TOX2: variants seen among roughly 807,000 people sequenced by gnomAD.
TOX2 encodes the protein TOX high mobility group box family member 2, also known as granulosa cell HMG box 1.
A neutral mutation model predicts 47.4 loss-of-function variants in TOX2; 15 were observed. The ratio of observed to expected loss-of-function variants is 0.32; its 90% confidence interval spans 0.21 to 0.49. The LOEUF is 0.49. Ranked by LOEUF, TOX2 falls within the 20% of genes least tolerant of loss-of-function variation. The probability of loss-of-function intolerance (pLI) is 0.99; values close to 1 mark genes in which losing one functional copy is unlikely to be tolerated. For synonymous variants in TOX2, 290 were observed against 296.6 expected, an observed-to-expected ratio of 0.98 and a Z score of 0.23; for missense variants, 622 against 673.1, an observed-to-expected ratio of 0.92 and a Z score of 0.84.
At chr20:43,992,586 C>T (rs536268059) in intron 2 of TOX2, among the ~76,000 whole-genome samples, 9 of 152,152 alleles carry the variant, frequency 5.9e-5, no homozygotes, top group East Asian at 5.8e-4. Flanking sequence ...GAAAAAATGT[C>T]GTGGTTGAAT....
chr20:43,939,410 C>A (rs1378792827), intron 1 of TOX2, among the ~76,000 whole-genome samples: 2 of 152,152 alleles, frequency 1.3e-5, no homozygotes, highest in Admixed American at 1.3e-4. Flanking sequence ...AATTTCTGGG[C>A]AAAAGCTGAA....
chr20:44,054,579 C>T, intron 5 of TOX2, 53 bp downstream of exon 5: 1 of 1,552,794 alleles, frequency 6.4e-7, no homozygotes, highest in Non-Finnish European at 8.8e-7. Context: ...GGTCCTGGAA[C>T]CAAGGACACA....
chr20:43,918,168 C>T (rs2069078396), intron 1 of TOX2, among the ~76,000 whole-genome samples: 2 of 152,184 alleles, frequency 1.3e-5, no homozygotes, highest in Non-Finnish European at 2.9e-5. Context: ...TTTGGCAAGG[C>T]ATCTTACCAG....
chr20:43,939,909 A>T (rs557427266), intron 1 of TOX2, among the ~76,000 whole-genome samples: 9 of 152,308 alleles, frequency 5.9e-5, no homozygotes, highest in African/African-American at 2.2e-4. Flanking sequence ...GACCACAGGG[A>T]TATGCTCAGA....
chr20:44,004,411 AAGG>A (rs1223975539), intron 2 of TOX2, among the ~76,000 whole-genome samples: 1 of 152,072 alleles, frequency 6.6e-6, no homozygotes, highest in Admixed American at 6.5e-5. Context: ...GAGAACAGAG[AAGG>A]AGAAGGTGAA....
intron 5 of TOX2, among the ~76,000 whole-genome samples, chr20:44,059,966 A>G: frequency 6.6e-6 from 1 of 152,242 alleles, no homozygotes; most frequent in East Asian, 1.9e-4. Context: ...ACAGAATGGC[A>G]GAATGAATAA....
chr20:43,971,676 A>G (rs757117577), intron 1 of TOX2, among the ~76,000 whole-genome samples: 2 of 152,252 alleles, frequency 1.3e-5, no homozygotes, highest in Non-Finnish European at 2.9e-5. Context: ...TTGGGATAGC[A>G]GAAAACTAGA....
chr20:44,022,054 T>TC (rs1266876264), intron 3 of TOX2, among the ~76,000 whole-genome samples: 1 of 152,190 alleles, frequency 6.6e-6, no homozygotes, highest in Non-Finnish European at 1.5e-5. Context: ...GGAAGGCCCG[T>TC]CACCCACACA....
intron 5 of TOX2, among the ~76,000 whole-genome samples, chr20:44,057,627 A>C (rs1293414110): frequency 6.6e-6 from 1 of 152,230 alleles, no homozygotes; most frequent in Non-Finnish European, 1.5e-5. Context: ...CTTTATATAC[A>C]ATGTAACCTT....
chr20:44,022,874 G>A (rs970172032), intron 3 of TOX2, among the ~76,000 whole-genome samples: 1 of 152,138 alleles, frequency 6.6e-6, no homozygotes, highest in Admixed American at 6.5e-5. Context: ...TCCTCAGTGT[G>A]TTTCTATCAA....
At chr20:44,046,770 T>C (rs577768317) in intron 3 of TOX2, among the ~76,000 whole-genome samples, 5 of 152,226 alleles carry the variant, frequency 3.3e-5, no homozygotes, top group Non-Finnish European at 7.3e-5. Context: ...TTGTACAATA[T>C]ACAGTATTAT....
At chr20:43,943,729 A>G (rs1488198239) in intron 1 of TOX2, among the ~76,000 whole-genome samples, 1 of 152,232 alleles carries the variant, frequency 6.6e-6, no homozygotes, top group Non-Finnish European at 1.5e-5. Context: ...TCTGACAATC[A>G]ATTATACCTT....
chr20:44,001,046 G>T (rs2070571662), intron 2 of TOX2, among the ~76,000 whole-genome samples: 1 of 152,194 alleles, frequency 6.6e-6, no homozygotes, highest in Admixed American at 6.5e-5. Flanking sequence ...GAGTGGAAAT[G>T]AAGAGGTAAC....
chr20:44,030,078 C>G (rs2071126377), intron 3 of TOX2, among the ~76,000 whole-genome samples: 2 of 152,274 alleles, frequency 1.3e-5, no homozygotes, highest in South Asian at 2.1e-4. Context: ...GCTCTATCCC[C>G]TCTCCTAAGC....
chr20:44,022,656 C>T (rs2070994144), intron 3 of TOX2, among the ~76,000 whole-genome samples: 2 of 152,210 alleles, frequency 1.3e-5, no homozygotes, highest in Non-Finnish European at 2.9e-5. Flanking sequence ...GTGAGTGTAT[C>T]CCTGCCCTGT....
chr20:43,991,969 A>T (rs946030177), intron 2 of TOX2, among the ~76,000 whole-genome samples: 4 of 152,172 alleles, frequency 2.6e-5, no homozygotes, highest in Admixed American at 2.6e-4. Flanking sequence ...AGTATACTGT[A>T]TGTTTGCAGG....
intron 1 of TOX2, among the ~76,000 whole-genome samples, chr20:43,930,078 T>C (rs1279325068): frequency 6.6e-6 from 1 of 152,206 alleles, no homozygotes; most frequent in Non-Finnish European, 1.5e-5. Flanking sequence ...TTCAGGATAA[T>C]AAACTTTAAG....
chr20:43,920,519 A>G (rs1366168136), intron 1 of TOX2, among the ~76,000 whole-genome samples: 1 of 152,046 alleles, frequency 6.6e-6, no homozygotes, highest in Non-Finnish European at 1.5e-5. Flanking sequence ...CGCTAGATGG[A>G]TGTCTGCATC....
chr20:43,927,601 C>CTTCT (rs2069186500), intron 1 of TOX2, among the ~76,000 whole-genome samples: 1 of 3,572 alleles, frequency 2.8e-4, no homozygotes, highest in African/African-American at 6.7e-4. Flanking sequence ...TCCTTCCTTC[C>CTTCT]TTCCTTCCTT....
Sources: gnomAD v4.1 joint callset for allele counts (sites outside exome capture counted in the v4.1 genomes callset) on GRCh38, gnomAD v4.1.1 for gene constraint, MANE v1.5 for transcripts, NCBI Gene and HGNC (gene_info 2026-07-23, HGNC 2026-07-21) for gene names.